Variants in DEFB124 observed in about 807,000 individuals in gnomAD.
The protein encoded by DEFB124 is beta-defensin 124.
For synonymous variants in DEFB124, 38 were observed against 36.5 expected (o/e 1.04, Z -0.15); for missense variants, 78 against 83.1 (o/e 0.94, Z 0.24).
In DEFB124 at chr20:31,468,889, A is replaced by G. The variant is rs562633131; in HGVS notation, c.59-3226T>C. Among the ~76,000 whole-genome samples, 24 of 152,188 alleles carry G rather than the reference A, an allele frequency of 1.6e-4. No homozygotes were observed. In the South Asian group the frequency reaches 3.3e-3, roughly 21 times the overall value. ...CATTTTGGGAGGCCAAAGCTGGAGG[A>G]TTGCTTGAGGCCAAGAGTTTGAGAC... On this transcript the variant is annotated intron_variant, in intron 2 of 2. Transcript: ENST00000317676.
chr20:31,471,607 G>A (rs1398609201), intron 2 of DEFB124, among the ~76,000 whole-genome samples: 5 of 149,410 alleles, frequency 3.3e-5, no homozygotes, highest in Admixed American at 6.6e-5. Context: ...CTTCCCAGAC[G>A]GGGTGGCTGC....
chr20:31,470,341 C>T (rs1268736524), intron 2 of DEFB124, among the ~76,000 whole-genome samples: 1 of 141,118 alleles, frequency 7.1e-6, no homozygotes, highest in African/African-American at 2.6e-5. Flanking sequence ...GGCAGAGGCG[C>T]CCCTCACCCC....
At chr20:31,470,740 G>A (rs1286003188) in intron 2 of DEFB124, among the ~76,000 whole-genome samples, 8 of 133,378 alleles carry the variant, frequency 6.0e-5, no homozygotes, top group African/African-American at 8.4e-5. Context: ...CGGGGTGGCT[G>A]GCCAGGCAGA....
At chr20:31,471,306 G>A (rs1379797107) in intron 2 of DEFB124, among the ~76,000 whole-genome samples, 4 of 123,670 alleles carry the variant, frequency 3.2e-5, no homozygotes, top group African/African-American at 6.5e-5. Context: ...CTGGCCGGGC[G>A]GGGGGCTGAC....
At chr20:31,470,050 C>G (rs866980867) in intron 2 of DEFB124, among the ~76,000 whole-genome samples, 3 of 132,744 alleles carry the variant, frequency 2.3e-5, no homozygotes, top group Admixed American at 7.3e-5. Flanking sequence ...CCTCACCTCC[C>G]GGACGGGGCG....
chr20:31,472,416 A>AGAGGGAGAGGGGAGAGGGGAG lies in DEFB124; in HGVS notation c.58+519_58+539dup, dbSNP rs1980355377. ...TGGAAAGAGAGGGAGAGGGAGACCGAGAGGGAGAGGGGAGAGGGGAGAAGG... is the reference window on the plus strand; with the variant it reads ...TGGAAAGAGAGGGAGAGGGAGACCGAGAGGGAGAGGGGAGAGGGGAGGAGGGAGAGGGGAGAGGGGAGAAGG... On this transcript the variant is annotated intron_variant, in intron 2 of 2. Transcript: ENST00000317676. 3.0e-5 allele frequency among the ~76,000 whole-genome samples: 4 copies of AGAGGGAGAGGGGAGAGGGGAG among 133,728 alleles called. No individual in the cohort carries two copies. In the South Asian group the frequency reaches 1.1e-3, roughly 35 times the overall value. 87.7% of individuals were successfully genotyped at this position (133,728 alleles called of 152,430 possible).
At chr20:31,472,816 C>A in intron 2 of DEFB124, 140 bp downstream of exon 2, 3 of 1,046,166 alleles carry the variant, frequency 2.9e-6, no homozygotes, top group Non-Finnish European at 3.9e-6. Context: ...CTCTAAGTTG[C>A]CCACCAAGTC....
rs34150499 is a variant in DEFB124 at position 31,472,917 on chromosome 20, G to GCACACACACACA, written c.58+27_58+38dup. ...TCCTCATTTTTACAAGCACACATGTGCACACACACACACACACACATGCAC... is the reference window on the plus strand; with the variant it reads ...TCCTCATTTTTACAAGCACACATGTGCACACACACACACACACACACACACACACACATGCAC... On this transcript the variant is annotated intron_variant, in intron 2 of 2. Coordinates refer to ENST00000317676, the MANE Select transcript of DEFB124 (RefSeq NM_001037500.2). 2,094 of 1,524,398 alleles carry GCACACACACACA rather than the reference G, an allele frequency of 1.4e-3. 10 individuals are homozygous for GCACACACACACA. In the African/African-American group the frequency reaches 0.025, roughly 18 times the overall value. 94.4% of individuals were successfully genotyped at this position (1,524,398 alleles called of 1,614,324 possible).
intron 2 of DEFB124, among the ~76,000 whole-genome samples, chr20:31,466,013 C>T (rs113803729): frequency 0.016 from 2,431 of 151,898 alleles, 44 homozygotes; most frequent in African/African-American, 0.056. Flanking sequence ...AAAAATTAGC[C>T]GGGTGTGGTG....
chr20:31,470,909 G>A (rs1445227563), intron 2 of DEFB124, among the ~76,000 whole-genome samples: 1 of 144,030 alleles, frequency 6.9e-6, no homozygotes, highest in Admixed American at 6.7e-5. Flanking sequence ...TCCCGGACGG[G>A]GTGGCTGGCC....
rs372294510 is a variant in DEFB124 at position 31,465,565 on chromosome 20, G to C, written c.157C>G (p.Leu53Val). 6.2e-7 allele frequency: 1 copy of C among 1,614,220 alleles called. No homozygotes were observed. The highest frequency in any genetic ancestry group is 1.1e-5 in the South Asian group (1 of 91,086). ...TTCAATGCATAGGAGAGACAGCACA[G>C]GGACGCATCCGGGCACAGGTGCATG... ...TYMHLCPDAS[L>V]CCLSYALKPP... is the part of the protein sequence containing the mutation. Residue 53 changes from leucine to valine, a missense_variant, in exon 3 of 3, where the codon CTG becomes GTG. Physicochemically the swap from Leu to Val is conservative, Grantham distance 32. Coordinates refer to ENST00000317676, the MANE Select transcript of DEFB124 (RefSeq NM_001037500.2).
intron 2 of DEFB124, among the ~76,000 whole-genome samples, chr20:31,470,357 C>A (rs1384058264): frequency 7.3e-6 from 1 of 136,818 alleles, no homozygotes; most frequent in African/African-American, 2.7e-5. Flanking sequence ...ACCCCCCGGA[C>A]GGGGTGGCTG....
At chr20:31,470,358 G>A (rs1163221127) in intron 2 of DEFB124, among the ~76,000 whole-genome samples, 3 of 135,912 alleles carry the variant, frequency 2.2e-5, no homozygotes, top group African/African-American at 5.4e-5. Flanking sequence ...CCCCCCGGAC[G>A]GGGTGGCTGG....
At chr20:31,473,945 C>A (rs1296664478) in intron 1 of DEFB124, among the ~76,000 whole-genome samples, 1 of 152,174 alleles carries the variant, frequency 6.6e-6, no homozygotes, top group African/African-American at 2.4e-5. Flanking sequence ...ACACAGGAAT[C>A]TAAGTTGCAT....
chr20:31,472,859 G>A (rs1980371713), intron 2 of DEFB124, 97 bp downstream of exon 2: 2 of 1,433,318 alleles, frequency 1.4e-6, no homozygotes, highest in Admixed American at 2.6e-5. Context: ...TGCTGATAGA[G>A]GCCCCTCTGT....
chr20:31,470,093 C>A (rs1448505693), intron 2 of DEFB124, among the ~76,000 whole-genome samples: 1 of 130,418 alleles, frequency 7.7e-6, no homozygotes, highest in African/African-American at 3.3e-5. Context: ...CCCCCCACCT[C>A]CCTCCCGGAC....
chr20:31,470,250 G>A (rs1980205169), intron 2 of DEFB124, among the ~76,000 whole-genome samples: 1 of 144,506 alleles, frequency 6.9e-6, no homozygotes, highest in Non-Finnish European at 1.5e-5. Context: ...GGCCGGGCGG[G>A]GGGCTGACCC....
chr20:31,470,575 C>G (rs570899177), intron 2 of DEFB124, among the ~76,000 whole-genome samples: 1 of 134,472 alleles, frequency 7.4e-6, no homozygotes, highest in African/African-American at 2.8e-5. Context: ...ACCTCCATCC[C>G]GGACGGGGCG....
Position 31,474,754 on chromosome 20 carries a change from A to G in DEFB124, c.-153T>C, listed in dbSNP as rs545427537. On this transcript the variant is annotated 5_prime_UTR_variant, in exon 1 of 3. Coordinates refer to ENST00000317676, the MANE Select transcript of DEFB124 (RefSeq NM_001037500.2). ...AATGATGCCAAAATAAGATTTTCAT[A>G]ATTCTTCAGTGCAGACTTCCTGAGC... 6.6e-6 allele frequency among the ~76,000 whole-genome samples: 1 copy of G among 152,276 alleles called. No homozygotes were observed. Among genetic ancestry groups the G allele is most frequent in the African/African-American group, 2.4e-5 (1 of 41,554 alleles).
Sources: gnomAD v4.1 joint callset for allele counts (sites outside exome capture counted in the v4.1 genomes callset) on GRCh38, gnomAD v4.1.1 for gene constraint, MANE v1.5 for transcripts, NCBI Gene and HGNC (gene_info 2026-07-23, HGNC 2026-07-21) for gene names.